The following ADAMTS19 variants were observed in gnomAD, a reference collection of about 807,000 sequenced individuals.
The protein encoded by ADAMTS19 is ADAM metallopeptidase with thrombospondin type 1 motif 19.
ADAMTS19 carries 93 observed loss-of-function variants against 153.3 expected under a neutral mutation model. That is an observed-to-expected ratio of 0.61 (90% CI 0.51 to 0.72). ADAMTS19 has a LOEUF of 0.72. Ranked by LOEUF, ADAMTS19 falls within the 30% of genes least tolerant of loss-of-function variation. The probability of loss-of-function intolerance (pLI) is 0.00; values close to 1 mark genes in which losing one functional copy is unlikely to be tolerated. For synonymous variants in ADAMTS19, 600 were observed against 556.6 expected, an observed-to-expected ratio of 1.08 and a Z score of -1.10; for missense variants, 1,482 against 1,552.1, an observed-to-expected ratio of 0.95 and a Z score of 0.76.
chr5:129,539,758 G>T (rs2126795806), intron 6 of ADAMTS19, among the ~76,000 whole-genome samples: 1 of 152,146 alleles, frequency 6.6e-6, no homozygotes. Flanking sequence ...ATTTAGGGTA[G>T]ATTAAAAAGT....
chr5:129,483,584 C>T (rs553063264), intron 2 of ADAMTS19, among the ~76,000 whole-genome samples: 1 of 152,238 alleles, frequency 6.6e-6, no homozygotes, highest in African/African-American at 2.4e-5. Context: ...CACAATCACA[C>T]CCAGTTGAGA....
At chr5:129,557,591 CCT>C (rs1284721449) in intron 7 of ADAMTS19, among the ~76,000 whole-genome samples, 1 of 151,898 alleles carries the variant, frequency 6.6e-6, no homozygotes, top group Non-Finnish European at 1.5e-5. Context: ...AGAGTGAGGC[CCT>C]GTCTCACAAA....
intron 5 of ADAMTS19, 113 bp downstream of exon 5, chr5:129,527,944 A>G: frequency 3.1e-6 from 2 of 637,570 alleles, no homozygotes; most frequent in Non-Finnish European, 2.7e-6. Context: ...ATATCCACTG[A>G]ATCACTTAAA....
chr5:129,471,218 A>C (rs1750054117), intron 2 of ADAMTS19, among the ~76,000 whole-genome samples: 1 of 151,992 alleles, frequency 6.6e-6, no homozygotes, highest in South Asian at 2.1e-4. Flanking sequence ...AGATAAAAAT[A>C]AGCCTGGGGT....
At chr5:129,615,641 A>C (rs142186547) in intron 8 of ADAMTS19, among the ~76,000 whole-genome samples, 232 of 152,116 alleles carry the variant, frequency 1.5e-3, no homozygotes, top group Non-Finnish European at 3.1e-3. Flanking sequence ...CACTCATAAG[A>C]ACTAGCACCA....
At chr5:129,545,050 C>A (rs949711838) in intron 6 of ADAMTS19, among the ~76,000 whole-genome samples, 1 of 151,682 alleles carries the variant, frequency 6.6e-6, no homozygotes, top group Admixed American at 6.6e-5. Flanking sequence ...CCAAAATGAC[C>A]AATGATAACA....
chr5:129,612,025 C>A (rs1751248047), intron 8 of ADAMTS19, among the ~76,000 whole-genome samples: 3 of 151,602 alleles, frequency 2.0e-5, no homozygotes, highest in Non-Finnish European at 4.4e-5. Context: ...GCACAATGTG[C>A]AGTTTGTTAC....
intron 2 of ADAMTS19, among the ~76,000 whole-genome samples, chr5:129,472,696 G>T (rs994439067): frequency 6.6e-6 from 1 of 151,730 alleles, no homozygotes; most frequent in East Asian, 1.9e-4. Flanking sequence ...TCAGTCATCA[G>T]CAATTTTATC....
At chr5:129,460,705 G>A (rs1044893706) in intron 1 of ADAMTS19, 2 of 602,360 alleles carry the variant, frequency 3.3e-6, no homozygotes, top group Non-Finnish European at 5.9e-6. Context: ...CTTCTAATTA[G>A]AGCAATAATA....
At chr5:129,580,808 T>G (rs1283203992) in intron 7 of ADAMTS19, among the ~76,000 whole-genome samples, 1 of 152,160 alleles carries the variant, frequency 6.6e-6, no homozygotes, top group Non-Finnish European at 1.5e-5. Flanking sequence ...GGGTAAGCTT[T>G]TTGATGTGCT....
At chr5:129,629,091 T>G (rs1752178807) in intron 10 of ADAMTS19, among the ~76,000 whole-genome samples, 1 of 152,092 alleles carries the variant, frequency 6.6e-6, no homozygotes, top group South Asian at 2.1e-4. Flanking sequence ...TCCTATATGG[T>G]AAGCTCCTTA....
intron 21 of ADAMTS19, among the ~76,000 whole-genome samples, chr5:129,705,287 A>G (rs1227860957): frequency 6.6e-6 from 1 of 152,152 alleles, no homozygotes; most frequent in African/African-American, 2.4e-5. Flanking sequence ...CTGCTGGGGT[A>G]TGGAGAGGAG....
intron 20 of ADAMTS19, 52 bp downstream of exon 20, chr5:129,701,644 T>C: frequency 6.3e-7 from 1 of 1,584,934 alleles, no homozygotes; most frequent in Non-Finnish European, 8.6e-7. Context: ...TCCTAGCTTG[T>C]ACAAGATCAG....
intron 14 of ADAMTS19, among the ~76,000 whole-genome samples, chr5:129,655,867 A>T (rs760568485): frequency 1.8e-4 from 27 of 152,230 alleles, no homozygotes; most frequent in Admixed American, 7.2e-4. Context: ...CAGTCTTTTG[A>T]CTACATATTA....
chr5:129,671,089 A>G (rs559284574), intron 16 of ADAMTS19, among the ~76,000 whole-genome samples: 2 of 152,344 alleles, frequency 1.3e-5, no homozygotes, highest in Admixed American at 1.3e-4. Flanking sequence ...ATTCAAAAAC[A>G]CATTTCCTTA....
chr5:129,551,911 A>G lies in ADAMTS19; in HGVS notation c.1372+4A>G, dbSNP rs762954594. On this transcript the variant is annotated splice_donor_region_variant and intron_variant, in intron 7 of 22. Coordinates refer to ENST00000274487, the MANE Select transcript of ADAMTS19 (RefSeq NM_133638.6). ...GATGAACCATGTGATACTGTTGGTA[A>G]GTGTGAAAATTCTCACACTTTTGGA... 1.9e-6 allele frequency: 3 copies of G among 1,563,930 alleles called. No individual in the cohort carries two copies. The highest frequency in any genetic ancestry group is 1.2e-5 in the South Asian group (1 of 81,388).
intron 21 of ADAMTS19, among the ~76,000 whole-genome samples, chr5:129,726,289 C>A (rs960483480): frequency 6.6e-5 from 10 of 152,054 alleles, no homozygotes; most frequent in Non-Finnish European, 1.2e-4. Context: ...TCAGACAATA[C>A]AAGACTCTCT....
chr5:129,638,370 CTT>C, intron 10 of ADAMTS19, among the ~76,000 whole-genome samples: 1 of 152,158 alleles, frequency 6.6e-6, no homozygotes. Context: ...TTGGCATAGA[CTT>C]AATTATAATG....
intron 2 of ADAMTS19, among the ~76,000 whole-genome samples, chr5:129,493,014 T>C (rs1750817223): frequency 6.6e-6 from 1 of 152,182 alleles, no homozygotes; most frequent in African/African-American, 2.4e-5. Flanking sequence ...TATATTTTTC[T>C]GTAATACTTT....
Sources: allele counts gnomAD v4.1 joint callset (sites outside exome capture counted in the v4.1 genomes callset), GRCh38; gene constraint gnomAD v4.1.1; transcripts MANE v1.5; gene names NCBI Gene and HGNC (gene_info 2026-07-23, HGNC 2026-07-21).